Variants in GDPD1 observed in about 807,000 individuals in gnomAD.
GDPD1 encodes lysophospholipase D GDPD1.
GDPD1 carries 28 observed loss-of-function variants against 45.1 expected under a neutral mutation model. That is an observed-to-expected ratio of 0.62 (90% CI 0.46 to 0.85). GDPD1 has a LOEUF of 0.85. Ranked by LOEUF, GDPD1 falls within the 40% of genes least tolerant of loss-of-function variation. GDPD1 has a pLI of 0.00. For synonymous variants in GDPD1, 139 were observed against 131.4 expected (o/e 1.06, Z -0.40); for missense variants, 256 against 364.8 (o/e 0.70, Z 2.43).
At chr17:59,240,019 G>A (rs1008372967) in intron 2 of GDPD1, among the ~76,000 whole-genome samples, 4 of 152,026 alleles carry the variant, frequency 2.6e-5, no homozygotes, top group Non-Finnish European at 5.9e-5. Context: ...TTGGCTGGGT[G>A]CAGTGCCTCA....
At chr17:59,234,192 A>C (rs1347006589) in intron 1 of GDPD1, among the ~76,000 whole-genome samples, 1 of 145,462 alleles carries the variant, frequency 6.9e-6, no homozygotes, top group Non-Finnish European at 1.5e-5. Flanking sequence ...CTAAAAATAC[A>C]AAAAAAAAAT....
chr17:59,250,116 A>G (rs1439949293), intron 4 of GDPD1, among the ~76,000 whole-genome samples: 1 of 152,172 alleles, frequency 6.6e-6, no homozygotes, highest in Admixed American at 6.6e-5. Context: ...GGATATTTAA[A>G]CCTCAGATGT....
chr17:59,240,936 G>A (rs948299115), intron 2 of GDPD1, among the ~76,000 whole-genome samples: 1 of 152,080 alleles, frequency 6.6e-6, no homozygotes, highest in African/African-American at 2.4e-5. Context: ...CCTAATGCAG[G>A]TGTCCCATTT....
In GDPD1 at chr17:59,226,454, G is replaced by A. The variant is rs536939346; in HGVS notation, c.142+5703G>A. 3.3e-5 allele frequency among the ~76,000 whole-genome samples: 5 copies of A among 151,928 alleles called. No homozygotes were observed. In the East Asian group the frequency reaches 5.8e-4, roughly 18 times the overall value. The stretch of plus-strand genomic sequence containing the variant: ...CAAACTAGTAGTTTTTTGTTTTTAC[G>A]TGGGTATCTTCCCTCTGCTAAAGTT... On this transcript the variant is annotated intron_variant, in intron 1 of 9. Coordinates refer to ENST00000284116, the MANE Select transcript of GDPD1 (RefSeq NM_182569.4).
At chr17:59,262,816 T>C (rs1163530679) in intron 6 of GDPD1, among the ~76,000 whole-genome samples, 5 of 151,862 alleles carry the variant, frequency 3.3e-5, no homozygotes, top group Non-Finnish European at 7.4e-5. Context: ...TTAGTAGAGA[T>C]AGGGTTTCAC....
chr17:59,220,830 G>T, intron 1 of GDPD1, 79 bp downstream of exon 1: 1 of 1,500,926 alleles, frequency 6.7e-7, no homozygotes, highest in South Asian at 1.2e-5. Context: ...AGGCAGCCGG[G>T]TGCCAATCCC....
intron 6 of GDPD1, among the ~76,000 whole-genome samples, chr17:59,259,980 G>A (rs2047341706): frequency 7.4e-6 from 1 of 134,900 alleles, no homozygotes; most frequent in Admixed American, 8.4e-5. Flanking sequence ...AGGATGGCTT[G>A]AGCCTAGTAG....
At chr17:59,223,842 C>T (rs1482577493) in intron 1 of GDPD1, among the ~76,000 whole-genome samples, 2 of 152,124 alleles carry the variant, frequency 1.3e-5, no homozygotes, top group African/African-American at 2.4e-5. Context: ...ACCTGGGAGG[C>T]GGAGGTTGCA....
chr17:59,227,435 A>T (rs534919253), intron 1 of GDPD1, among the ~76,000 whole-genome samples: 9 of 152,180 alleles, frequency 5.9e-5, no homozygotes, highest in African/African-American at 2.2e-4. Flanking sequence ...AAAAAAATTT[A>T]AAACTTTTGG....
At chr17:59,254,542 C>CAT (rs1193921178) in intron 4 of GDPD1, among the ~76,000 whole-genome samples, 4 of 151,636 alleles carry the variant, frequency 2.6e-5, no homozygotes, top group East Asian at 1.9e-4. Flanking sequence ...AATATATATA[C>CAT]ATATATATAT....
intron 1 of GDPD1, among the ~76,000 whole-genome samples, chr17:59,231,972 C>T (rs903531378): frequency 6.6e-6 from 1 of 152,124 alleles, no homozygotes; most frequent in Non-Finnish European, 1.5e-5. Context: ...GTCTTGTATA[C>T]TGTTGCCAAT....
At chr17:59,270,385 G>A (rs529998121) in intron 7 of GDPD1, among the ~76,000 whole-genome samples, 10 of 151,740 alleles carry the variant, frequency 6.6e-5, no homozygotes, top group East Asian at 1.9e-4. Context: ...GTAGAGACGG[G>A]GGGGGGTTTC....
chr17:59,255,109 G>A (rs2147893641), intron 4 of GDPD1, among the ~76,000 whole-genome samples: 1 of 152,120 alleles, frequency 6.6e-6, no homozygotes, highest in Non-Finnish European at 1.5e-5. Flanking sequence ...TTAATTTTCT[G>A]ACATGGATTT....
intron 2 of GDPD1, among the ~76,000 whole-genome samples, chr17:59,236,342 A>G (rs759583264): frequency 1.3e-5 from 2 of 152,188 alleles, no homozygotes; most frequent in African/African-American, 2.4e-5. Context: ...CAGTTTTTAT[A>G]TAGTTTTGTT....
chr17:59,271,028 T>C, intron 8 of GDPD1, 33 bp downstream of exon 8: 1 of 1,263,370 alleles, frequency 7.9e-7, no homozygotes, highest in South Asian at 1.3e-5. Context: ...ATGCAAGTTA[T>C]TGCTTCAGCT....
At chr17:59,243,950 C>T (rs990606670) in intron 2 of GDPD1, among the ~76,000 whole-genome samples, 1 of 152,044 alleles carries the variant, frequency 6.6e-6, no homozygotes, top group African/African-American at 2.4e-5. Context: ...CTGTTAGTGG[C>T]GGTGAATCCA....
rs376720072 is a variant in GDPD1, at chr17:59,242,868, C to A, written c.186-2546C>A. Among the ~76,000 whole-genome samples the A allele has an allele frequency of 4.9e-4, 75 of 152,288 alleles. 1 individual carries two copies. In the South Asian group the frequency reaches 0.013, roughly 26 times the overall value. On this transcript the variant is annotated intron_variant, in intron 2 of 9. Coordinates refer to ENST00000284116, the MANE Select transcript of GDPD1 (RefSeq NM_182569.4). ...GGGATGAATTCCCATGGCTCCACCC[C>A]CTCCTTGCAGTGCACATGTGGGCAT...
At chr17:59,262,724 T>C (rs955982077) in intron 6 of GDPD1, among the ~76,000 whole-genome samples, 10 of 149,208 alleles carry the variant, frequency 6.7e-5, no homozygotes, top group Non-Finnish European at 1.5e-4. Context: ...GCCTTCCGGG[T>C]TCAAGCGATT....
At chr17:59,249,718 C>T (rs2047239022) in intron 4 of GDPD1, among the ~76,000 whole-genome samples, 1 of 152,148 alleles carries the variant, frequency 6.6e-6, no homozygotes, top group Non-Finnish European at 1.5e-5. Context: ...CCCTCATTGT[C>T]ACAAGTCAGC....
Sources: gnomAD v4.1 joint callset for allele counts (sites outside exome capture counted in the v4.1 genomes callset) on GRCh38, gnomAD v4.1.1 for gene constraint, MANE v1.5 for transcripts, NCBI Gene and HGNC (gene_info 2026-07-23, HGNC 2026-07-21) for gene names.